SERINC5: variants seen among roughly 807,000 people sequenced by gnomAD.
SERINC5 encodes the protein chromosome 5 open reading frame 12.
SERINC5 carries 41 observed loss-of-function variants against 63.1 expected under a neutral mutation model. The observed-to-expected ratio is 0.65, with a 90% CI of 0.51 to 0.84. The LOEUF is 0.84. Among genes scored for constraint, SERINC5 ranks in the 40% least tolerant of loss-of-function variants. The probability of loss-of-function intolerance (pLI) is 0.00; values close to 1 mark genes in which losing one functional copy is unlikely to be tolerated. For synonymous variants in SERINC5, 222 were observed against 215.2 expected, an observed-to-expected ratio of 1.03 and a Z score of -0.28; for missense variants, 523 against 573.0, an observed-to-expected ratio of 0.91 and a Z score of 0.89.
At chr5:80,181,089 A>G (rs1428974568) in intron 2 of SERINC5, among the ~76,000 whole-genome samples, 1 of 152,188 alleles carries the variant, frequency 6.6e-6, no homozygotes, top group Non-Finnish European at 1.5e-5. Context: ...AAGGTTGGGA[A>G]GTCGCAGCTA....
chr5:80,174,892 G>A, intron 5 of SERINC5, 62 bp downstream of exon 5: 1 of 1,188,036 alleles, frequency 8.4e-7, no homozygotes. Flanking sequence ...GTTGAGTACA[G>A]CCTTGGTCAA....
chr5:80,244,082 C>T (rs999585322), intron 1 of SERINC5, among the ~76,000 whole-genome samples: 24 of 152,250 alleles, frequency 1.6e-4, no homozygotes, highest in African/African-American at 5.8e-4. Flanking sequence ...CAGCCCAGAC[C>T]TCTTTAGGCT....
chr5:80,214,454 A>G (rs910864150), intron 1 of SERINC5, among the ~76,000 whole-genome samples: 1 of 152,188 alleles, frequency 6.6e-6, no homozygotes, highest in East Asian at 1.9e-4. Context: ...TAAGCCCTCA[A>G]ATATTTGTTA....
Position 80,242,970 on chromosome 5 carries a change from G to GT in SERINC5, c.27+12925dup, listed in dbSNP as rs533352080. Among the ~76,000 whole-genome samples, 713 of 152,280 alleles carry GT rather than the reference G, an allele frequency of 4.7e-3. 7 individuals are homozygous for GT. Among genetic ancestry groups the GT allele is most frequent in the African/African-American group, 0.017 (689 of 41,562 alleles). On this transcript the variant is annotated intron_variant, in intron 1 of 11. Transcript: ENST00000507668. ...TTCTTCCCTGCTATACAAACCTCTA[G>GT]TTTTAGTAGGTCAGGGAGACAGATT... is the stretch of plus-strand genomic sequence containing the variant.
At chr5:80,130,759 T>C (rs1744914885) in intron 11 of SERINC5, among the ~76,000 whole-genome samples, 1 of 152,222 alleles carries the variant, frequency 6.6e-6, no homozygotes, top group Admixed American at 6.5e-5. Flanking sequence ...CACAAATCTT[T>C]CTTTTATCCA....
intron 2 of SERINC5, among the ~76,000 whole-genome samples, chr5:80,196,323 C>T (rs531265676): frequency 2.0e-5 from 3 of 152,228 alleles, no homozygotes; most frequent in African/African-American, 7.2e-5. Context: ...CCACCTCACA[C>T]ACACTATAGC....
intron 7 of SERINC5, among the ~76,000 whole-genome samples, chr5:80,165,272 C>G (rs1272874270): frequency 6.6e-6 from 1 of 151,992 alleles, no homozygotes; most frequent in Non-Finnish European, 1.5e-5. Flanking sequence ...CCACTATAAA[C>G]AGCAACAAGG....
rs567844756 is a variant in SERINC5, at chr5:80,113,763, AC to A, written c.1239-139del. ...CCGGCCCCCATGATTCAATTACCTC[AC>A]CCTGGCCCCCTCCCACAACATGTGG... On this transcript the variant is annotated intron_variant, in intron 11 of 12. Coordinates refer to the SERINC5 transcript ENST00000509193. The A allele has an allele frequency of 3.9e-3, 599 of 154,650 alleles. 5 individuals are homozygous for A. The highest frequency in any genetic ancestry group is 4.1e-3 in the Non-Finnish European group (287 of 69,900). The allele number at this position is 154,650 out of a possible 1,614,324, so 9.6% of individuals were successfully genotyped here.
chr5:80,197,130 C>T (rs1749554113), intron 2 of SERINC5, among the ~76,000 whole-genome samples: 2 of 151,988 alleles, frequency 1.3e-5, no homozygotes, highest in African/African-American at 4.8e-5. Context: ...AGGCAAATCA[C>T]CTGAGGTCAG....
intron 9 of SERINC5, among the ~76,000 whole-genome samples, chr5:80,147,607 C>T (rs1487349114): frequency 2.0e-5 from 3 of 152,156 alleles, no homozygotes; most frequent in African/African-American, 7.2e-5. Context: ...GCCTTTATGG[C>T]TCCTAGGGTT....
downstream of SERINC5, among the ~76,000 whole-genome samples, chr5:80,136,891 T>C (rs1457749274): frequency 6.6e-6 from 1 of 151,984 alleles, no homozygotes; most frequent in Non-Finnish European, 1.5e-5. Context: ...ATCCCAGCAT[T>C]TTGGGAGGCC....
chr5:80,120,265 T>C (rs77466000), intron 11 of SERINC5, among the ~76,000 whole-genome samples: 1 of 152,210 alleles, frequency 6.6e-6, no homozygotes, highest in Non-Finnish European at 1.5e-5. Context: ...CAAGGGGATA[T>C]GGTTCTAAGT....
rs1188269151 is a variant in SERINC5 at position 80,247,392 on chromosome 5, G to T, written c.27+8504C>A. Among the ~76,000 whole-genome samples, 5 of 152,130 alleles carry T rather than the reference G, an allele frequency of 3.3e-5. No individual in the cohort carries two copies. The East Asian group carries it at 9.6e-4, about 29-fold the overall frequency. On this transcript the variant is annotated intron_variant, in intron 1 of 11. Transcript: ENST00000507668. ...AACGAGGGCGGAAAGCAAGCAATGG[G>T]GAAGGGGGTGTTACCTTTTATTTAA...
At chr5:80,199,545 G>A (rs997220331) in intron 2 of SERINC5, among the ~76,000 whole-genome samples, 11 of 152,184 alleles carry the variant, frequency 7.2e-5, no homozygotes, top group Non-Finnish European at 1.5e-4. Flanking sequence ...CAGTCAGAAA[G>A]CATAAATACT....
chr5:80,133,353 G>C (rs1420691744), intron 11 of SERINC5, among the ~76,000 whole-genome samples: 1 of 152,170 alleles, frequency 6.6e-6, no homozygotes, highest in Non-Finnish European at 1.5e-5. Context: ...TTGCTCTTGT[G>C]GGCTAGAGAA....
At chr5:80,233,721 T>A (rs1376532459) in intron 1 of SERINC5, among the ~76,000 whole-genome samples, 1 of 151,774 alleles carries the variant, frequency 6.6e-6, no homozygotes, top group Non-Finnish European at 1.5e-5. Flanking sequence ...CTGAAATTGC[T>A]TCATATGTTT....
intron 11 of SERINC5, among the ~76,000 whole-genome samples, chr5:80,117,058 C>T (rs1021277396): frequency 6.6e-6 from 1 of 151,912 alleles, no homozygotes; most frequent in Non-Finnish European, 1.5e-5. Flanking sequence ...CTCAAACTCC[C>T]GATCTCAGGC....
chr5:80,185,514 T>C (rs1296459695), intron 2 of SERINC5, among the ~76,000 whole-genome samples: 1 of 117,972 alleles, frequency 8.5e-6, no homozygotes, highest in Non-Finnish European at 1.7e-5. Flanking sequence ...TTCATGCGCG[T>C]CCGTGTGAAG....
At position 80,243,228 on chromosome 5, in the gene SERINC5, ATCT is replaced by A. The variant is rs745733157; in HGVS notation, c.27+12665_27+12667del. ...AAACATACCTAATTCCCTATAGTAA[ATCT>A]TCTTCTTTTTAAAATACCTAGAGTG... On this transcript the variant is annotated intron_variant, in intron 1 of 11. Coordinates refer to ENST00000507668, the MANE Select transcript of SERINC5 (RefSeq NM_001174072.3). Among the ~76,000 whole-genome samples the A allele has an allele frequency of 1.2e-4, 18 of 152,192 alleles. No homozygotes were observed. The East Asian group carries it at 1.4e-3, about 11-fold the overall frequency.
Sources: allele counts gnomAD v4.1 joint callset (sites outside exome capture counted in the v4.1 genomes callset), GRCh38; gene constraint gnomAD v4.1.1; transcripts MANE v1.5; gene names NCBI Gene and HGNC (gene_info 2026-07-23, HGNC 2026-07-21).